The following UGT1A7 variants were observed in gnomAD, a reference collection of about 807,000 sequenced individuals.
The protein encoded by UGT1A7 is UDP-glucuronosyltransferase 1A7.
UGT1A7 carries 33 observed loss-of-function variants against 45.6 expected under a neutral mutation model. That is an observed-to-expected ratio of 0.72 (90% confidence interval 0.55 to 0.97). The LOEUF (loss-of-function observed/expected upper bound fraction) is 0.97, where lower values mean the gene tolerates loss of function less well. Ranked by LOEUF, UGT1A7 falls within the 50% of genes least tolerant of loss-of-function variation. The probability of loss-of-function intolerance (pLI) is 0.00; values close to 1 mark genes in which losing one functional copy is unlikely to be tolerated. For synonymous variants in UGT1A7, 274 were observed against 250.6 expected (o/e 1.09, Z -0.88); for missense variants, 684 against 666.2 (o/e 1.03, Z -0.29).
intron 1 of UGT1A7, among the ~76,000 whole-genome samples, chr2:233,724,297 C>T (rs2077212322): frequency 1.4e-5 from 2 of 146,124 alleles, no homozygotes; most frequent in South Asian, 2.4e-4. Context: ...GCTGACCCCC[C>T]CACCTCCCTC....
At chr2:233,711,700 C>G (rs1349335285) in intron 1 of UGT1A7, among the ~76,000 whole-genome samples, 7 of 152,188 alleles carry the variant, frequency 4.6e-5, no homozygotes, top group African/African-American at 1.2e-4. Flanking sequence ...GTAACTTCCT[C>G]CCTAAGGGAA....
chr2:233,754,801 A>T, intron 1 of UGT1A7: 1 of 1,269,324 alleles, frequency 7.9e-7, no homozygotes, highest in Non-Finnish European at 1.1e-6. Flanking sequence ...CCTGTATCAA[A>T]AGAAGAAAAA....
chr2:233,718,192 C>T (rs1341668137), intron 1 of UGT1A7, among the ~76,000 whole-genome samples: 5 of 152,272 alleles, frequency 3.3e-5, no homozygotes, highest in South Asian at 2.1e-4. Flanking sequence ...TCAGCCTCCC[C>T]GGAGCTTTTT....
intron 1 of UGT1A7, among the ~76,000 whole-genome samples, chr2:233,719,925 G>A (rs974352180): frequency 3.9e-5 from 6 of 152,132 alleles, no homozygotes; most frequent in Non-Finnish European, 8.8e-5. Flanking sequence ...TGTGACTCAC[G>A]GACAGTGTTT....
At chr2:233,716,411 C>T (rs1382859700) in intron 1 of UGT1A7, among the ~76,000 whole-genome samples, 1 of 152,134 alleles carries the variant, frequency 6.6e-6, no homozygotes, top group Non-Finnish European at 1.5e-5. Flanking sequence ...GTGAAACCCA[C>T]ATCTTATTCA....
intron 1 of UGT1A7, among the ~76,000 whole-genome samples, chr2:233,687,667 C>G (rs1464147606): frequency 6.6e-6 from 1 of 151,454 alleles, no homozygotes; most frequent in Non-Finnish European, 1.5e-5. Flanking sequence ...CTTTAGGAGG[C>G]CAAGGCAGGA....
intron 1 of UGT1A7, chr2:233,755,020 T>G (rs552495015): frequency 7.7e-7 from 1 of 1,304,796 alleles, no homozygotes; most frequent in African/African-American, 1.5e-5. Context: ...AAGGGGTCCT[T>G]GAAGGGCCTG....
intron 4 of UGT1A7, chr2:233,770,452 G>C (rs1050174931): frequency 6.6e-6 from 1 of 152,078 alleles, no homozygotes; most frequent in African/African-American, 2.4e-5. Context: ...TTAGGAGTTC[G>C]AAACCAACCT....
intron 1 of UGT1A7, among the ~76,000 whole-genome samples, chr2:233,746,063 AAG>A (rs1693290242): frequency 6.6e-6 from 1 of 151,770 alleles, no homozygotes. Flanking sequence ...CTAGAACGAA[AAG>A]AGAAGAGGAG....
At chr2:233,711,506 A>G (rs1260347512) in intron 1 of UGT1A7, among the ~76,000 whole-genome samples, 3 of 152,160 alleles carry the variant, frequency 2.0e-5, no homozygotes, top group African/African-American at 4.8e-5. Flanking sequence ...ATCCCTTTCT[A>G]GCGCTCTGTG....
intron 1 of UGT1A7, among the ~76,000 whole-genome samples, chr2:233,728,112 T>C (rs892506440): frequency 1.3e-5 from 2 of 152,198 alleles, no homozygotes; most frequent in African/African-American, 2.4e-5. Flanking sequence ...TAATTCTCCA[T>C]CTTGAAATTT....
In UGT1A7 at chr2:233,713,691, C is replaced by T; in HGVS notation, c.855+30899C>T. On this transcript the variant is annotated intron_variant, in intron 1 of 4. Transcript: ENST00000373426. ...TGCTGTTTCTGCTCCTTATGCAAGC[C>T]TTGCCTCTGAGCTTTTTCAGAGAGA... The T allele has an allele frequency of 3.1e-6, 5 of 1,613,942 alleles. 1 individual carries two copies. The South Asian group carries it at 5.5e-5, about 18-fold the overall frequency.
intron 1 of UGT1A7, chr2:233,690,841 G>T: frequency 9.4e-7 from 1 of 1,069,274 alleles, no homozygotes; most frequent in South Asian, 2.9e-5. Context: ...AAAGAAAAAT[G>T]TTTTCTAATA....
intron 1 of UGT1A7, chr2:233,755,910 A>C (rs1252525299): frequency 2.6e-5 from 4 of 151,394 alleles, no homozygotes; most frequent in African/African-American, 7.3e-5. Flanking sequence ...AAATGTAGTG[A>C]GAAGAGTGGC....
chr2:233,693,701 G>T (rs984756708), intron 1 of UGT1A7: 2 of 1,614,074 alleles, frequency 1.2e-6, no homozygotes, highest in East Asian at 2.2e-5. Flanking sequence ...TGAAGAACTC[G>T]CATCAGCTGT....
chr2:233,761,873 C>T (rs930936969), intron 1 of UGT1A7, among the ~76,000 whole-genome samples: 2 of 152,192 alleles, frequency 1.3e-5, no homozygotes, highest in South Asian at 2.1e-4. Flanking sequence ...TTTCAGAGAG[C>T]GTTCATTCAC....
At chr2:233,724,403 T>TG (rs2077252164) in intron 1 of UGT1A7, among the ~76,000 whole-genome samples, 1 of 115,960 alleles carries the variant, frequency 8.6e-6, no homozygotes, top group Non-Finnish European at 1.8e-5. Flanking sequence ...ACTTCCCAGA[T>TG]GGGGTGGCTG....
chr2:233,766,101 A>G (rs1699049254), intron 1 of UGT1A7, among the ~76,000 whole-genome samples: 1 of 152,188 alleles, frequency 6.6e-6, no homozygotes, highest in South Asian at 2.1e-4. Context: ...GGCTTTCTGT[A>G]TCCTGGGGGC....
At chr2:233,744,144 C>G (rs1446501937) in intron 1 of UGT1A7, 4 of 335,984 alleles carry the variant, frequency 1.2e-5, no homozygotes, top group Non-Finnish European at 2.3e-5. Context: ...CTGTGATGCT[C>G]CAAGACCAGG....
Sources: allele counts gnomAD v4.1 joint callset (sites outside exome capture counted in the v4.1 genomes callset), GRCh38; gene constraint gnomAD v4.1.1; transcripts MANE v1.5; gene names NCBI Gene and HGNC (gene_info 2026-07-23, HGNC 2026-07-21).